MTREX: variants seen among roughly 807,000 people sequenced by gnomAD.
MTREX encodes the protein Mtr4 exosome RNA helicase.
Under a neutral mutation model 135.4 loss-of-function variants are expected in MTREX, and 76 were observed. That is an observed-to-expected ratio of 0.56 (90% confidence interval 0.47 to 0.68). The LOEUF is 0.68. Ranked by LOEUF, MTREX falls within the 30% of genes least tolerant of loss-of-function variation. The pLI is 0.00. For missense variants in MTREX, 920 were observed against 1,262.1 expected, an observed-to-expected ratio of 0.73 and a Z score of 4.11; for synonymous variants, 404 against 401.6, an observed-to-expected ratio of 1.01 and a Z score of -0.07.
At chr5:55,375,116 T>C (rs1018787559) in intron 16 of MTREX, among the ~76,000 whole-genome samples, 1 of 152,108 alleles carries the variant, frequency 6.6e-6, no homozygotes, top group Admixed American at 6.5e-5. Flanking sequence ...ACAAGGCAAG[T>C]GGAGGCAGGG....
intron 5 of MTREX, among the ~76,000 whole-genome samples, chr5:55,338,438 C>T (rs1414357410): frequency 3.9e-5 from 6 of 151,976 alleles, no homozygotes; most frequent in African/African-American, 1.4e-4. Flanking sequence ...CTCTCTTTGC[C>T]TTTGTCATTT....
intron 3 of MTREX, among the ~76,000 whole-genome samples, chr5:55,326,421 AAAAAG>A (rs1053073999): frequency 2.0e-5 from 3 of 152,134 alleles, no homozygotes; most frequent in African/African-American, 4.8e-5. Flanking sequence ...AAAGAAAAGA[AAAAAG>A]AAATACAAAC....
intron 25 of MTREX, among the ~76,000 whole-genome samples, chr5:55,419,989 G>GT (rs1184417216): frequency 6.6e-6 from 1 of 152,138 alleles, no homozygotes; most frequent in Non-Finnish European, 1.5e-5. Context: ...TAATAATAGA[G>GT]TAACAATTTA....
intron 21 of MTREX, among the ~76,000 whole-genome samples, chr5:55,404,561 C>G (rs1183461571): frequency 6.6e-6 from 1 of 152,138 alleles, no homozygotes; most frequent in African/African-American, 2.4e-5. Context: ...TCCCTGTTCT[C>G]TAAGCTACCC....
chr5:55,346,070 G>A (rs1240608541), intron 10 of MTREX, among the ~76,000 whole-genome samples: 1 of 152,102 alleles, frequency 6.6e-6, no homozygotes, highest in Non-Finnish European at 1.5e-5. Context: ...TCATTGGATG[G>A]ACTTTTGGGT....
At chr5:55,423,477 G>A (rs1751088557) in intron 26 of MTREX, 1 of 154,308 alleles carries the variant, frequency 6.5e-6, no homozygotes, top group South Asian at 2.0e-4. Flanking sequence ...TGTGGCTGGA[G>A]CAGAATGGGC....
rs144892772 is a variant in MTREX at position 55,308,038 on chromosome 5, C to A, written c.25C>A (p.Leu9Met). The stretch of plus-strand genomic sequence containing the variant: ...AATGGCGGACGCATTCGGAGATGAG[C>A]TGTTCAGCGTGTTCGAGGGCGACTC... MADAFGDE[L>M]FSVFEGDSTT... Residue 9 changes from leucine (L) to methionine (M), a missense_variant, in exon 1 of 27, where the codon CTG becomes ATG. Transcript: ENST00000230640. 4 of 1,614,006 alleles carry A rather than the reference C, an allele frequency of 2.5e-6. No individual in the cohort carries two copies. The African/African-American group carries it at 5.3e-5, about 22-fold the overall frequency.
At chr5:55,416,431 G>T (rs1377553475) in intron 25 of MTREX, among the ~76,000 whole-genome samples, 2 of 151,938 alleles carry the variant, frequency 1.3e-5, no homozygotes, top group African/African-American at 4.8e-5. Context: ...ATTTATGTGG[G>T]TATTTTTCCT....
At chr5:55,422,739 C>T in intron 25 of MTREX, 139 bp from the exon 26 acceptor site, 1 of 645,472 alleles carries the variant, frequency 1.5e-6, no homozygotes, top group Non-Finnish European at 2.7e-6. Context: ...TTCTCCAGTA[C>T]CTAACCATGA....
chr5:55,313,985 T>TG (rs1355408365), intron 1 of MTREX, among the ~76,000 whole-genome samples: 1 of 151,346 alleles, frequency 6.6e-6, no homozygotes, highest in African/African-American at 2.5e-5. Flanking sequence ...TGTAGAGAGC[T>TG]GTTTTTTTTT....
intron 15 of MTREX, 29 bp from the exon 16 acceptor site, chr5:55,366,696 A>G: frequency 1.3e-6 from 2 of 1,498,096 alleles, no homozygotes; most frequent in Non-Finnish European, 1.8e-6. Flanking sequence ...TTGGAAAACT[A>G]CAAAATTGAC....
chr5:55,423,207 G>A (rs939192698), intron 26 of MTREX: 2 of 517,832 alleles, frequency 3.9e-6, no homozygotes, highest in Non-Finnish European at 6.8e-6. Context: ...CTACATGCCA[G>A]GCATTGTTTT....
chr5:55,332,603 G>A (rs1474817775), intron 5 of MTREX, among the ~76,000 whole-genome samples: 1 of 152,200 alleles, frequency 6.6e-6, no homozygotes, highest in East Asian at 1.9e-4. Flanking sequence ...GGCCTCTGGC[G>A]AGAGTCATCC....
At chr5:55,378,603 C>T in intron 17 of MTREX, 117 bp downstream of exon 17, 1 of 1,136,390 alleles carries the variant, frequency 8.8e-7, no homozygotes. Flanking sequence ...AATAGTTGAT[C>T]TATATTAATC....
intron 6 of MTREX, among the ~76,000 whole-genome samples, 182 bp downstream of exon 6, chr5:55,340,366 T>C (rs1749624692): frequency 6.6e-6 from 1 of 152,236 alleles, no homozygotes; most frequent in Admixed American, 6.5e-5. Flanking sequence ...ATATTACATT[T>C]CTAAATTACC....
intron 16 of MTREX, 25 bp from the exon 17 acceptor site, chr5:55,378,289 T>C (rs1412878015): frequency 6.4e-7 from 1 of 1,554,504 alleles, no homozygotes; most frequent in Admixed American, 2.2e-5. Context: ...AACCTTTTAA[T>C]TTTGTACATG....
At chr5:55,404,187 A>G (rs2111599379) in intron 21 of MTREX, among the ~76,000 whole-genome samples, 1 of 152,264 alleles carries the variant, frequency 6.6e-6, no homozygotes, top group South Asian at 2.1e-4. Flanking sequence ...AAATTCCATT[A>G]TCTTCGGATT....
At chr5:55,315,326 G>C (rs1749180924) in intron 1 of MTREX, among the ~76,000 whole-genome samples, 1 of 152,064 alleles carries the variant, frequency 6.6e-6, no homozygotes, top group African/African-American at 2.4e-5. Flanking sequence ...TTGTCATTCA[G>C]AAAAATTTTA....
At chr5:55,335,956 A>G (rs917377445) in intron 5 of MTREX, among the ~76,000 whole-genome samples, 11 of 152,144 alleles carry the variant, frequency 7.2e-5, no homozygotes, top group Non-Finnish European at 1.5e-4. Context: ...TTCAGTGTAT[A>G]GGTCTTATAC....
Sources: allele counts gnomAD v4.1 joint callset (sites outside exome capture counted in the v4.1 genomes callset), GRCh38; gene constraint gnomAD v4.1.1; transcripts MANE v1.5; gene names NCBI Gene and HGNC (gene_info 2026-07-23, HGNC 2026-07-21).